The following VOPP1 variants were observed in gnomAD, a reference collection of about 807,000 sequenced individuals.
The protein encoded by VOPP1 is VOPP1 WW domain binding protein.
Under a neutral mutation model 23.5 loss-of-function variants are expected in VOPP1, and 8 were observed. That is an observed-to-expected ratio of 0.34 (90% CI 0.20 to 0.61). VOPP1 has a LOEUF of 0.61. VOPP1 is among the 20% of genes least tolerant of loss of function. VOPP1 has a pLI of 0.78. For synonymous variants in VOPP1, 83 were observed against 97.3 expected (o/e 0.85, Z 0.86); for missense variants, 174 against 238.1 (o/e 0.73, Z 1.77).
intron 4 of VOPP1, among the ~76,000 whole-genome samples, chr7:55,489,317 C>T (rs1793385878): frequency 6.6e-6 from 1 of 152,200 alleles, no homozygotes; most frequent in Non-Finnish European, 1.5e-5. Context: ...AAACGGATGG[C>T]AAACCAAGTC....
intron 4 of VOPP1, among the ~76,000 whole-genome samples, chr7:55,440,620 T>G (rs1009641906): frequency 2.6e-5 from 4 of 152,190 alleles, no homozygotes; most frequent in Non-Finnish European, 4.4e-5. Context: ...GCTTTTCAGC[T>G]TCCCCATTTG....
rs1168800600 is a variant in VOPP1 at position 55,448,392 on chromosome 7, G to T, written n.418-12218C>A. ...TATGGGATAATAATGGGAGTGCAATGAGAAAGATTCATAGGGACCTCATTT... is the reference window on the plus strand; with the variant it reads ...TATGGGATAATAATGGGAGTGCAATTAGAAAGATTCATAGGGACCTCATTT... On this transcript the variant is annotated intron_variant and non_coding_transcript_variant, in intron 4 of 4. Coordinates refer to the VOPP1 transcript ENST00000462326. Among the ~76,000 whole-genome samples, 5 of 152,356 alleles carry T rather than the reference G, an allele frequency of 3.3e-5. No homozygotes were observed. In the East Asian group the frequency reaches 9.6e-4, roughly 29 times the overall value.
At chr7:55,492,477 C>T in intron 3 of VOPP1, 59 bp from the exon 4 acceptor site, 1 of 1,538,148 alleles carries the variant, frequency 6.5e-7, no homozygotes, top group Non-Finnish European at 8.8e-7. Context: ...AGGGCTTGGC[C>T]CTACAGCTCA....
At chr7:55,491,536 G>C (rs1281326518) in intron 4 of VOPP1, among the ~76,000 whole-genome samples, 1 of 152,178 alleles carries the variant, frequency 6.6e-6, no homozygotes, top group Admixed American at 6.5e-5. Flanking sequence ...GCGCTCTGAT[G>C]AGCCGAGCCA....
downstream of VOPP1, among the ~76,000 whole-genome samples, chr7:55,435,637 C>T (rs893724945): frequency 6.6e-6 from 1 of 152,230 alleles, no homozygotes; most frequent in Non-Finnish European, 1.5e-5. Flanking sequence ...TGTCTCCTGT[C>T]AGAGGCAGGG....
At chr7:55,494,433 A>G (rs991968797) in intron 3 of VOPP1, among the ~76,000 whole-genome samples, 9 of 152,174 alleles carry the variant, frequency 5.9e-5, no homozygotes, top group African/African-American at 1.2e-4. Flanking sequence ...TGTCTAAAAA[A>G]TAAGCTAAAA....
intron 1 of VOPP1, among the ~76,000 whole-genome samples, chr7:55,560,343 T>C (rs374650755): frequency 6.6e-6 from 1 of 152,176 alleles, no homozygotes; most frequent in South Asian, 2.1e-4. Flanking sequence ...GCAGACGTGA[T>C]TAAGTTAAGG....
chr7:55,480,255 T>C (rs1467075181), intron 4 of VOPP1, among the ~76,000 whole-genome samples: 1 of 152,256 alleles, frequency 6.6e-6, no homozygotes, highest in Admixed American at 6.5e-5. Context: ...TCTTTGAAAA[T>C]GTCTTCAAGC....
chr7:55,435,647 G>A (rs1790804744), downstream of VOPP1, among the ~76,000 whole-genome samples: 2 of 152,206 alleles, frequency 1.3e-5, no homozygotes, highest in Admixed American at 6.5e-5. Context: ...CAGAGGCAGG[G>A]CTCCTTTATG....
At chr7:55,477,024 G>A (rs112548696) in intron 4 of VOPP1, among the ~76,000 whole-genome samples, 1,828 of 152,234 alleles carry the variant, frequency 0.012, 13 homozygotes, top group Admixed American at 0.021. Flanking sequence ...CATGCAAACC[G>A]TGTCTCCTGG....
At chr7:55,473,734 T>A (rs1019761313) in intron 4 of VOPP1, among the ~76,000 whole-genome samples, 1 of 152,204 alleles carries the variant, frequency 6.6e-6, no homozygotes, top group Non-Finnish European at 1.5e-5. Context: ...AGATTAACAC[T>A]ATAGAATTAT....
chr7:55,484,296 T>C (rs1792963546), intron 4 of VOPP1, among the ~76,000 whole-genome samples: 1 of 152,232 alleles, frequency 6.6e-6, no homozygotes, highest in South Asian at 2.1e-4. Flanking sequence ...CCAGGAACTG[T>C]CAAACACATC....
At chr7:55,565,945 G>T (rs146105945) in intron 1 of VOPP1, among the ~76,000 whole-genome samples, 1 of 152,158 alleles carries the variant, frequency 6.6e-6, no homozygotes, top group Non-Finnish European at 1.5e-5. Flanking sequence ...ATTCACCCCA[G>T]CCCACTTAAC....
intron 4 of VOPP1, among the ~76,000 whole-genome samples, chr7:55,457,067 C>G (rs1791384978): frequency 6.6e-6 from 1 of 152,178 alleles, no homozygotes; most frequent in South Asian, 2.1e-4. Flanking sequence ...CAACCAACCT[C>G]TCTTCGTGAC....
intron 4 of VOPP1, among the ~76,000 whole-genome samples, chr7:55,439,603 G>C (rs750006740): frequency 6.6e-6 from 1 of 152,348 alleles, no homozygotes; most frequent in Middle Eastern, 3.4e-3. Flanking sequence ...CTGGAGTGAC[G>C]TCTCCAAGGA....
intron 4 of VOPP1, among the ~76,000 whole-genome samples, chr7:55,473,940 GAC>G (rs1273504023): frequency 2.0e-5 from 3 of 148,794 alleles, no homozygotes; most frequent in Admixed American, 1.3e-4. Context: ...TTCTCCCCCT[GAC>G]ACAGTGTGAT....
At chr7:55,551,255 C>T (rs1188705503) in intron 1 of VOPP1, among the ~76,000 whole-genome samples, 1 of 152,230 alleles carries the variant, frequency 6.6e-6, no homozygotes, top group Non-Finnish European at 1.5e-5. Context: ...ATTTGCCATG[C>T]TTGCTGCTGT....
At position 55,531,863 on chromosome 7, in the gene VOPP1, C is replaced by T. The variant is rs145315614; in HGVS notation, c.55-10733G>A. Among the ~76,000 whole-genome samples, 1,311 of 152,304 alleles carry T rather than the reference C, an allele frequency of 8.6e-3. 20 individuals carry two copies. Among genetic ancestry groups the T allele is most frequent in the African/African-American group, 0.03 (1,256 of 41,548 alleles). ...AGATATGTACCAAAAGACTACTCTC[C>T]TCCAGTTGGGCCTAAATCTTGGCCA... On this transcript the variant is annotated intron_variant, in intron 1 of 4. Coordinates refer to ENST00000285279, the MANE Select transcript of VOPP1 (RefSeq NM_030796.5).
At position 55,516,042 on chromosome 7, in the gene VOPP1, C is replaced by T. The variant is rs895738356; in HGVS notation, c.113+5030G>A. 17 of 985,296 alleles carry T rather than the reference C, an allele frequency of 1.7e-5. No individual in the cohort carries two copies. The African/African-American group carries it at 1.7e-4, about 10-fold the overall frequency. The allele number at this position is 985,296 out of a possible 1,614,324, so 61.0% of individuals were successfully genotyped here. On this transcript the variant is annotated intron_variant, in intron 2 of 4. Transcript: ENST00000285279. The stretch of plus-strand genomic sequence containing the variant: ...GCGAGGCCCAAGCAGAAGCTCAACT[C>T]GAGGAGAGAATGCAAGCCAAGGGGC...
Sources: allele counts gnomAD v4.1 joint callset (sites outside exome capture counted in the v4.1 genomes callset), GRCh38; gene constraint gnomAD v4.1.1; transcripts MANE v1.5; gene names NCBI Gene and HGNC (gene_info 2026-07-23, HGNC 2026-07-21).